Variants in SLC44A5 observed in about 807,000 individuals in gnomAD.
The protein encoded by SLC44A5 is solute carrier family 44 member 5.
Under a neutral mutation model 101.8 loss-of-function variants are expected in SLC44A5, and 57 were observed. That is an observed-to-expected ratio of 0.56 (90% confidence interval 0.45 to 0.70). The LOEUF (loss-of-function observed/expected upper bound fraction) is 0.70, where lower values mean the gene tolerates loss of function less well. SLC44A5 is among the 30% of genes least tolerant of loss of function. The pLI is 0.00. For synonymous variants in SLC44A5, 281 were observed against 290.9 expected (o/e 0.97, Z 0.35); for missense variants, 737 against 853.1 (o/e 0.86, Z 1.70).
chr1:75,430,407 C>T (rs535273227), intron 2 of SLC44A5, among the ~76,000 whole-genome samples: 45 of 152,220 alleles, frequency 3.0e-4, no homozygotes, highest in African/African-American at 1.1e-3. Context: ...TTAAAAACTA[C>T]CCAGTCTGTG....
rs1259131494 is a variant in SLC44A5, at chr1:75,537,027, A to ATATATAT, written c.13+4407_13+4408insATATATA. ...TCTCAAAAAAAAAAAAAAAAAAAAA[A>ATATATAT]AAAAAAATATATATCTATGCCAAAT... On this transcript the variant is annotated intron_variant, in intron 2 of 23. Coordinates refer to ENST00000370859, the MANE Select transcript of SLC44A5 (RefSeq NM_001130058.2). Among the ~76,000 whole-genome samples, 9 of 34,090 alleles carry ATATATAT rather than the reference A, an allele frequency of 2.6e-4. 2 individuals are homozygous for ATATATAT. The highest frequency in any genetic ancestry group is 7.6e-4 in the Admixed American group (2 of 2,628). 22.4% of individuals were successfully genotyped at this position (34,090 alleles called of 152,430 possible).
At chr1:75,581,836 A>G (rs1233048716) in intron 1 of SLC44A5, among the ~76,000 whole-genome samples, 1 of 152,092 alleles carries the variant, frequency 6.6e-6, no homozygotes, top group African/African-American at 2.4e-5. Context: ...CTATTTCACC[A>G]TGTGATTTCT....
chr1:75,695,943 T>C, the SLC44A5 span, among the ~76,000 whole-genome samples: 1 of 151,738 alleles, frequency 6.6e-6, no homozygotes, highest in Non-Finnish European at 1.5e-5. Context: ...GGGAAAGTCT[T>C]ACACTAATAG....
At chr1:75,246,228 G>A in intron 7 of SLC44A5, among the ~76,000 whole-genome samples, 1 of 152,002 alleles carries the variant, frequency 6.6e-6, no homozygotes, top group East Asian at 1.9e-4. Flanking sequence ...TACATTGAAG[G>A]TTAAAACACC....
intron 1 of SLC44A5, among the ~76,000 whole-genome samples, chr1:75,602,689 TAAG>T (rs1449098110): frequency 1.3e-5 from 2 of 152,100 alleles, no homozygotes; most frequent in African/African-American, 4.8e-5. Flanking sequence ...AAAAGTGTGA[TAAG>T]AGGCTGAGAT....
chr1:75,459,191 A>G (rs552419707), intron 2 of SLC44A5, among the ~76,000 whole-genome samples: 1 of 152,356 alleles, frequency 6.6e-6, no homozygotes, highest in Admixed American at 6.5e-5. Context: ...TCCAAGCACA[A>G]GGAAGAACCA....
chr1:75,281,317 T>G lies in SLC44A5; in HGVS notation c.176-6275A>C, dbSNP rs180759309. On this transcript the variant is annotated intron_variant, in intron 5 of 23. Transcript: ENST00000370859. ...GCATTTTGCCCCTGCCCTAGAGATC[T>G]GTGGAACTTTGAACTTGAGAGAGAT... 7.6e-3 allele frequency among the ~76,000 whole-genome samples: 1,157 copies of G among 152,206 alleles called. 17 individuals carry two copies. Among genetic ancestry groups the G allele is most frequent in the South Asian group, 0.047 (226 of 4,828 alleles).
intron 1 of SLC44A5, among the ~76,000 whole-genome samples, chr1:75,572,966 T>C (rs1673154953): frequency 6.6e-6 from 1 of 151,280 alleles, no homozygotes; most frequent in African/African-American, 2.4e-5. Flanking sequence ...CTACTAATAA[T>C]ACAAAAATTA....
At chr1:75,373,094 G>T (rs1211239061) in intron 3 of SLC44A5, among the ~76,000 whole-genome samples, 1 of 152,076 alleles carries the variant, frequency 6.6e-6, no homozygotes, top group East Asian at 1.9e-4. Context: ...ATTTAAATTA[G>T]GTCAAAGTGT....
At chr1:75,374,592 G>A (rs1209148541) in intron 3 of SLC44A5, among the ~76,000 whole-genome samples, 1 of 152,110 alleles carries the variant, frequency 6.6e-6, no homozygotes, top group Non-Finnish European at 1.5e-5. Context: ...CGCTGCACAT[G>A]CACTGAAACA....
intron 6 of SLC44A5, among the ~76,000 whole-genome samples, chr1:75,270,564 C>A (rs1049856746): frequency 3.9e-5 from 6 of 151,958 alleles, no homozygotes; most frequent in African/African-American, 1.4e-4. Context: ...AGGAAGCCAT[C>A]AAAATACTAG....
chr1:75,398,787 T>C (rs1662292106), intron 2 of SLC44A5, among the ~76,000 whole-genome samples: 1 of 152,180 alleles, frequency 6.6e-6, no homozygotes, highest in Admixed American at 6.5e-5. Flanking sequence ...TATGTCTTTT[T>C]CAAAACTTGT....
At chr1:75,560,314 G>T (rs1336282723) in intron 1 of SLC44A5, among the ~76,000 whole-genome samples, 1 of 152,082 alleles carries the variant, frequency 6.6e-6, no homozygotes, top group East Asian at 1.9e-4. Context: ...ACAAAATGTG[G>T]TATATTTTCA....
chr1:75,506,170 G>A (rs754797101), intron 2 of SLC44A5, among the ~76,000 whole-genome samples: 58 of 152,024 alleles, frequency 3.8e-4, no homozygotes, highest in Admixed American at 3.2e-3. Flanking sequence ...TAGGTGTGTG[G>A]GTTTATTTCT....
intron 1 of SLC44A5, among the ~76,000 whole-genome samples, chr1:75,592,871 C>G (rs1674428235): frequency 6.6e-6 from 1 of 151,988 alleles, no homozygotes; most frequent in Admixed American, 6.6e-5. Flanking sequence ...AATCTAAGAC[C>G]TCAAACTATG....
At chr1:75,565,376 G>A (rs187100445) in intron 1 of SLC44A5, among the ~76,000 whole-genome samples, 2 of 152,258 alleles carry the variant, frequency 1.3e-5, no homozygotes, top group East Asian at 1.9e-4. Context: ...TTGGTAAAAC[G>A]AAAAATTCAG....
chr1:75,464,475 T>C (rs544979438), intron 2 of SLC44A5, among the ~76,000 whole-genome samples: 126 of 151,680 alleles, frequency 8.3e-4, no homozygotes, highest in South Asian at 4.0e-3. Flanking sequence ...TCGCCTTCAT[T>C]AAAAGGAAGG....
intron 1 of SLC44A5, among the ~76,000 whole-genome samples, chr1:75,559,145 A>G (rs1045678236): frequency 1.4e-4 from 22 of 152,094 alleles, no homozygotes; most frequent in African/African-American, 5.1e-4. Context: ...ATATACACAT[A>G]TGGAAATGAT....
intron 1 of SLC44A5, among the ~76,000 whole-genome samples, chr1:75,605,344 A>G (rs996497082): frequency 1.8e-4 from 28 of 152,000 alleles, no homozygotes; most frequent in Non-Finnish European, 7.4e-5. Context: ...TTGAAGGTAG[A>G]GTTATTAAGA....
Sources: gnomAD v4.1 joint callset for allele counts (sites outside exome capture counted in the v4.1 genomes callset) on GRCh38, gnomAD v4.1.1 for gene constraint, MANE v1.5 for transcripts, NCBI Gene and HGNC (gene_info 2026-07-23, HGNC 2026-07-21) for gene names.